Variants in SMOC1 observed in about 807,000 individuals in gnomAD.
SMOC1 encodes SPARC-related modular calcium-binding protein 1.
Under a neutral mutation model 56.3 loss-of-function variants are expected in SMOC1, and 22 were observed. The ratio of observed to expected loss-of-function variants is 0.39; its 90% confidence interval spans 0.28 to 0.56. SMOC1 has a LOEUF of 0.56. Among genes scored for constraint, SMOC1 ranks in the 20% least tolerant of loss-of-function variants. SMOC1 has a pLI of 0.61. For synonymous variants in SMOC1, 193 were observed against 215.0 expected (o/e 0.90, Z 0.89); for missense variants, 509 against 565.4 (o/e 0.90, Z 1.01).
intron 1 of SMOC1, among the ~76,000 whole-genome samples, chr14:69,923,551 C>T (rs913926818): frequency 6.6e-6 from 1 of 152,152 alleles, no homozygotes. Context: ...CGGGACAACC[C>T]CATGCCTTCA....
chr14:69,977,040 T>A (rs1055283604), intron 4 of SMOC1, among the ~76,000 whole-genome samples: 28 of 152,208 alleles, frequency 1.8e-4, no homozygotes, highest in Admixed American at 9.8e-4. Context: ...TCCTTTCAAA[T>A]GACCTGGAAA....
At chr14:69,906,739 A>G (rs1445520643) in intron 1 of SMOC1, among the ~76,000 whole-genome samples, 1 of 152,216 alleles carries the variant, frequency 6.6e-6, no homozygotes, top group Non-Finnish European at 1.5e-5. Context: ...GTGAACACCT[A>G]AGAGACATCC....
At chr14:69,952,490 A>G (rs190612688) in intron 2 of SMOC1, among the ~76,000 whole-genome samples, 187 bp downstream of exon 2, 13 of 152,334 alleles carry the variant, frequency 8.5e-5, no homozygotes, top group South Asian at 4.1e-4. Context: ...GCATTTTTCT[A>G]TCTTTCAAAC....
At chr14:69,958,557 A>G (rs886978475) in intron 3 of SMOC1, among the ~76,000 whole-genome samples, 9 of 152,262 alleles carry the variant, frequency 5.9e-5, no homozygotes, top group African/African-American at 2.2e-4. Context: ...TCAGGGTCAG[A>G]TAAAGGGAAA....
intron 1 of SMOC1, among the ~76,000 whole-genome samples, chr14:69,887,386 G>A (rs1271925756): frequency 6.6e-6 from 1 of 152,186 alleles, no homozygotes; most frequent in Non-Finnish European, 1.5e-5. Flanking sequence ...CATATGGTTG[G>A]TGTGGGTTGG....
At chr14:70,006,518 C>T (rs1885152862) in intron 7 of SMOC1, among the ~76,000 whole-genome samples, 1 of 152,140 alleles carries the variant, frequency 6.6e-6, no homozygotes, top group Non-Finnish European at 1.5e-5. Context: ...GACTGAAGGG[C>T]TTACAGGGCT....
intron 3 of SMOC1, among the ~76,000 whole-genome samples, chr14:69,970,247 G>A (rs1173558801): frequency 1.3e-5 from 2 of 152,114 alleles, no homozygotes; most frequent in African/African-American, 4.8e-5. Flanking sequence ...AAATTACAAG[G>A]CTCAAAGAGA....
At chr14:70,004,935 G>C (rs991313376) in intron 7 of SMOC1, among the ~76,000 whole-genome samples, 4 of 152,158 alleles carry the variant, frequency 2.6e-5, no homozygotes, top group African/African-American at 9.7e-5. Context: ...CCATCACCAT[G>C]AGGTTCCCAT....
chr14:70,011,590 CG>C (rs756910297), intron 9 of SMOC1, 23 bp downstream of exon 9: 7 of 1,606,622 alleles, frequency 4.4e-6, no homozygotes, highest in Non-Finnish European at 6.0e-6. Context: ...GCTGCCCTGC[CG>C]GCGCCATCAC....
At chr14:69,991,630 A>G (rs758565202) in intron 5 of SMOC1, among the ~76,000 whole-genome samples, 2 of 152,318 alleles carry the variant, frequency 1.3e-5, no homozygotes, top group South Asian at 4.1e-4. Context: ...CAACACTATT[A>G]GAATGATAAG....
Position 70,011,479 on chromosome 14 carries a change from TC to T in SMOC1, c.858-3del. 1.3e-6 allele frequency: 2 copies of T among 1,595,546 alleles called. No homozygotes were observed. The highest frequency in any genetic ancestry group is 1.7e-6 in the Non-Finnish European group (2 of 1,164,120). On this transcript the variant is annotated splice_region_variant and splice_polypyrimidine_tract_variant and intron_variant, in intron 8 of 11. Coordinates refer to ENST00000361956, the MANE Select transcript of SMOC1 (RefSeq NM_001034852.3). ...CCCAACCCCCCCCATATCTCTCTTT[TC>T]CCAGCTACGTGATGCCCAGTTGTGA...
chr14:69,885,733 A>G (rs1594785622), intron 1 of SMOC1: 1 of 1,470,468 alleles, frequency 6.8e-7, no homozygotes, highest in South Asian at 1.1e-5. Context: ...CTCCTGCTCG[A>G]AGGACAGGTG....
In SMOC1 at chr14:69,926,407, T is replaced by C. The variant is rs56769052; in HGVS notation, c.100-25731T>C. ...TGGGTTCAAGCTTTGGGTTAGGCCA[T>C]GGGGCGGGACAGACTGCCAGTCCCG... On this transcript the variant is annotated intron_variant, in intron 1 of 11. Coordinates refer to ENST00000361956, the MANE Select transcript of SMOC1 (RefSeq NM_001034852.3). Among the ~76,000 whole-genome samples the C allele has an allele frequency of 9.5e-3, 1,452 of 152,222 alleles. 17 individuals are homozygous for C. The highest frequency in any genetic ancestry group is 0.033 in the African/African-American group (1,381 of 41,526).
chr14:70,019,963 G>C (rs1885650477), intron 10 of SMOC1, among the ~76,000 whole-genome samples: 1 of 152,178 alleles, frequency 6.6e-6, no homozygotes, highest in South Asian at 2.1e-4. Context: ...TTGATTTACA[G>C]AGTTTTTAAA....
intron 3 of SMOC1, among the ~76,000 whole-genome samples, chr14:69,954,703 G>A (rs1883126920): frequency 6.6e-6 from 1 of 152,168 alleles, no homozygotes. Context: ...GTTGGGAATG[G>A]TCCTGGCACC....
intron 3 of SMOC1, among the ~76,000 whole-genome samples, chr14:69,974,042 T>C (rs938859377): frequency 2.0e-5 from 3 of 152,242 alleles, no homozygotes. Context: ...TTTTTATAAT[T>C]GATGGAGACC....
chr14:70,012,548 T>G (rs1380594744), intron 9 of SMOC1, among the ~76,000 whole-genome samples: 1 of 152,180 alleles, frequency 6.6e-6, no homozygotes, highest in African/African-American at 2.4e-5. Flanking sequence ...GAGAAGCAAG[T>G]GTTGAACCTG....
chr14:69,987,933 G>A (rs954355877), intron 5 of SMOC1, among the ~76,000 whole-genome samples: 4 of 152,216 alleles, frequency 2.6e-5, no homozygotes, highest in East Asian at 1.9e-4. Flanking sequence ...AGGACAAGGC[G>A]TGACTGGGGG....
chr14:69,978,037 A>T, intron 5 of SMOC1, 72 bp downstream of exon 5: 1 of 1,225,184 alleles, frequency 8.2e-7, no homozygotes, highest in Non-Finnish European at 1.2e-6. Flanking sequence ...CTTAGATGAG[A>T]TAGAAGGAGC....
Sources: allele counts gnomAD v4.1 joint callset (sites outside exome capture counted in the v4.1 genomes callset), GRCh38; gene constraint gnomAD v4.1.1; transcripts MANE v1.5; gene names NCBI Gene and HGNC (gene_info 2026-07-23, HGNC 2026-07-21).